Variants in FSIP1 observed in about 807,000 individuals in gnomAD.
The protein encoded by FSIP1 is fibrous sheath-interacting protein 1.
In FSIP1, 65 loss-of-function variants were observed where a neutral mutation model predicts 60.9. That is an observed-to-expected ratio of 1.07 (90% CI 0.87 to 1.31). The LOEUF (loss-of-function observed/expected upper bound fraction) is 1.31. Ranked by LOEUF, FSIP1 falls within the 40% of genes most tolerant of loss-of-function variation. The pLI, the probability that FSIP1 is intolerant of heterozygous loss-of-function variation, is 0.00. For synonymous variants in FSIP1, 209 were observed against 221.2 expected (o/e 0.94, Z 0.49); for missense variants, 675 against 665.5 (o/e 1.01, Z -0.16).
At chr15:39,599,972 T>C (rs775460397), downstream of FSIP1, 4 of 152,226 alleles carry the variant, frequency 2.6e-5, no homozygotes, top group African/African-American at 4.8e-5. Context: ...AAATTCCATA[T>C]AAACAATCAT....
chr15:39,645,265 T>G (rs1892544815), intron 10 of FSIP1, among the ~76,000 whole-genome samples: 1 of 152,214 alleles, frequency 6.6e-6, no homozygotes, highest in Non-Finnish European at 1.5e-5. Flanking sequence ...ACTGATACAG[T>G]GGCTGCTGCC....
intron 2 of FSIP1, 37 bp downstream of exon 2, chr15:39,776,362 G>A (rs778679391): frequency 1.3e-6 from 2 of 1,596,410 alleles, no homozygotes; most frequent in Admixed American, 3.5e-5. Flanking sequence ...TGAGAGGTTG[G>A]GGAAAGGAGT....
intron 11 of FSIP1, among the ~76,000 whole-genome samples, chr15:39,609,691 A>C (rs1890956018): frequency 6.6e-6 from 1 of 152,230 alleles, no homozygotes; most frequent in African/African-American, 2.4e-5. Flanking sequence ...CCCAGCACAC[A>C]GACCTGCCCA....
chr15:39,706,413 T>C (rs1308325210), intron 10 of FSIP1, among the ~76,000 whole-genome samples: 1 of 152,214 alleles, frequency 6.6e-6, no homozygotes, highest in Non-Finnish European at 1.5e-5. Flanking sequence ...CGGGTGTATA[T>C]AGTTCCTACA....
chr15:39,647,037 T>C (rs957070718), intron 10 of FSIP1, among the ~76,000 whole-genome samples: 1 of 150,224 alleles, frequency 6.7e-6, no homozygotes, highest in Non-Finnish European at 1.5e-5. Context: ...GTTGAATACA[T>C]GAAGATAGAA....
intron 5 of FSIP1, among the ~76,000 whole-genome samples, chr15:39,750,478 A>T (rs1030955193): frequency 3.3e-5 from 5 of 152,044 alleles, no homozygotes; most frequent in Non-Finnish European, 7.4e-5. Context: ...CCCAAAAATA[A>T]ATCCAAACAT....
intron 11 of FSIP1, among the ~76,000 whole-genome samples, chr15:39,608,431 C>G (rs1286657648): frequency 6.6e-6 from 1 of 152,150 alleles, no homozygotes; most frequent in African/African-American, 2.4e-5. Context: ...TCTAAACCCC[C>G]CTATATATGG....
chr15:39,658,989 A>C (rs755126002), intron 10 of FSIP1, among the ~76,000 whole-genome samples: 11 of 152,272 alleles, frequency 7.2e-5, no homozygotes, highest in Non-Finnish European at 1.2e-4. Context: ...AAAGGAATGA[A>C]GTACTAATAC....
At chr15:39,766,146 A>G (rs1051566772) in intron 3 of FSIP1, among the ~76,000 whole-genome samples, 1 of 152,244 alleles carries the variant, frequency 6.6e-6, no homozygotes, top group Non-Finnish European at 1.5e-5. Flanking sequence ...GCTGCTTCAG[A>G]CTAACTGAAA....
At chr15:39,607,537 AAAT>A (rs976122843) in intron 11 of FSIP1, among the ~76,000 whole-genome samples, 4 of 152,240 alleles carry the variant, frequency 2.6e-5, no homozygotes, top group Admixed American at 6.5e-5. Context: ...TCAAAAATTC[AAAT>A]AATACTGGTT....
intron 10 of FSIP1, among the ~76,000 whole-genome samples, chr15:39,623,233 C>T (rs1891509658): frequency 6.6e-6 from 1 of 152,198 alleles, no homozygotes; most frequent in Admixed American, 6.5e-5. Context: ...TAAAAATCTC[C>T]AGTTAATTGG....
intron 9 of FSIP1, among the ~76,000 whole-genome samples, chr15:39,715,091 A>G (rs1202968476): frequency 6.6e-6 from 1 of 151,950 alleles, no homozygotes; most frequent in Non-Finnish European, 1.5e-5. Flanking sequence ...TGATGCTACC[A>G]GTCACCCTGT....
rs140582356 is a variant in FSIP1 at position 39,748,494 on chromosome 15, C to T, written c.560-6594G>A. On this transcript the variant is annotated intron_variant, in intron 5 of 11. Coordinates refer to ENST00000350221, the MANE Select transcript of FSIP1 (RefSeq NM_152597.5). ...GGAGCTTCCTTATGCAATTCCTGACCTTTAGCAAACTTGGCCCCTGGCATA... is the reference window on the plus strand; with the variant it reads ...GGAGCTTCCTTATGCAATTCCTGACTTTTAGCAAACTTGGCCCCTGGCATA... 9.3e-4 allele frequency among the ~76,000 whole-genome samples: 141 copies of T among 152,226 alleles called. 2 individuals carry two copies. The East Asian group carries it at 0.023, about 24-fold the overall frequency.
chr15:39,598,123 T>C (rs771006832), downstream of FSIP1: 1 of 152,262 alleles, frequency 6.6e-6, no homozygotes, highest in Non-Finnish European at 1.5e-5. Flanking sequence ...ACCTTGATTT[T>C]TGGATGGGCT....
At chr15:39,697,642 C>A (rs1250217577) in intron 10 of FSIP1, among the ~76,000 whole-genome samples, 1 of 152,152 alleles carries the variant, frequency 6.6e-6, no homozygotes, top group Non-Finnish European at 1.5e-5. Flanking sequence ...AAGCCTATAA[C>A]AGAAAAATAA....
At chr15:39,749,708 C>G (rs538071964) in intron 5 of FSIP1, among the ~76,000 whole-genome samples, 1 of 151,862 alleles carries the variant, frequency 6.6e-6, no homozygotes, top group East Asian at 1.9e-4. Flanking sequence ...AACATCATAA[C>G]CAAGGGGGAA....
intron 10 of FSIP1, among the ~76,000 whole-genome samples, chr15:39,681,917 T>G (rs1294605796): frequency 6.6e-6 from 1 of 152,212 alleles, no homozygotes; most frequent in African/African-American, 2.4e-5. Flanking sequence ...ACTGAGATGC[T>G]TTCTCTAATG....
intron 5 of FSIP1, among the ~76,000 whole-genome samples, chr15:39,757,374 C>T (rs1401405483): frequency 7.9e-5 from 12 of 151,950 alleles, no homozygotes; most frequent in East Asian, 1.9e-4. Flanking sequence ...TCAAAAAATC[C>T]GTGGCATGAG....
intron 5 of FSIP1, among the ~76,000 whole-genome samples, chr15:39,756,518 G>A (rs923615935): frequency 6.6e-6 from 1 of 151,874 alleles, no homozygotes; most frequent in Non-Finnish European, 1.5e-5. Flanking sequence ...TAAATATTTT[G>A]TATAGACAAG....
Sources: gnomAD v4.1 joint callset for allele counts (sites outside exome capture counted in the v4.1 genomes callset) on GRCh38, gnomAD v4.1.1 for gene constraint, MANE v1.5 for transcripts, NCBI Gene and HGNC (gene_info 2026-07-23, HGNC 2026-07-21) for gene names.